Variants in LMF1 observed in about 807,000 individuals in gnomAD.
The protein encoded by LMF1 is transmembrane protein 112.
LMF1 carries 68 observed loss-of-function variants against 60.6 expected under a neutral mutation model. The observed-to-expected ratio is 1.12, with a 90% confidence interval of 0.92 to 1.37. The LOEUF is 1.37. LMF1 is among the 40% of genes most tolerant of loss of function. The probability of loss-of-function intolerance (pLI) is 0.00; values close to 1 mark genes in which losing one functional copy is unlikely to be tolerated. For synonymous variants in LMF1, 418 were observed against 324.7 expected, an observed-to-expected ratio of 1.29 and a Z score of -3.09; for missense variants, 948 against 767.2, an observed-to-expected ratio of 1.24 and a Z score of -2.78.
chr16:880,521 T>C (rs1331407679), intron 5 of LMF1, among the ~76,000 whole-genome samples: 2 of 152,174 alleles, frequency 1.3e-5, no homozygotes, highest in Non-Finnish European at 2.9e-5. Context: ...AAATAAAAAA[T>C]TAGCTGGGCA....
rs1043810312 is a variant in LMF1 at position 874,278 on chromosome 16, G to A, written c.898-2937C>T. On this transcript the variant is annotated intron_variant, in intron 6 of 10. Coordinates refer to ENST00000262301, the MANE Select transcript of LMF1 (RefSeq NM_022773.4). The surrounding 1 kb of genome is among the most constrained non-coding windows in gnomAD (Gnocchi z 4.1). Reference sequence around the variant, plus strand: ...ACAGCCGGCCTGTGTGTGCGGGGCTGGCAGGGCCTCCGGGCCTCTGTCTTG... The same window carrying A: ...ACAGCCGGCCTGTGTGTGCGGGGCTAGCAGGGCCTCCGGGCCTCTGTCTTG... Among the ~76,000 whole-genome samples, 10 of 152,292 alleles carry A rather than the reference G, an allele frequency of 6.6e-5. No homozygotes were observed. In the East Asian group the frequency reaches 9.7e-4, roughly 15 times the overall value.
chr16:865,847 G>A (rs1025964440), intron 10 of LMF1, among the ~76,000 whole-genome samples: 1 of 152,118 alleles, frequency 6.6e-6, no homozygotes, highest in African/African-American at 2.4e-5. Context: ...CCCCGTCTAT[G>A]TCCTCTCACT....
At chr16:891,068 C>T (rs1181187984) in intron 5 of LMF1, among the ~76,000 whole-genome samples, 1 of 152,214 alleles carries the variant, frequency 6.6e-6, no homozygotes, top group African/African-American at 2.4e-5. Flanking sequence ...CTTTAAGGCA[C>T]AGGAAGAACT....
intron 3 of LMF1, among the ~76,000 whole-genome samples, chr16:922,568 G>C (rs1391834238): frequency 1.3e-5 from 2 of 150,140 alleles, no homozygotes; most frequent in Admixed American, 1.3e-4. Context: ...GTGTTGTTGC[G>C]AAGGCCCTGT....
chr16:871,471 G>T (rs1163899348), intron 6 of LMF1, 130 bp from the exon 7 acceptor site: 10 of 941,676 alleles, frequency 1.1e-5, no homozygotes, highest in Admixed American at 2.6e-5. Flanking sequence ...TGTCCCTCGG[G>T]CCCAGCATCA....
Position 874,781 on chromosome 16 carries a change from G to C in LMF1, c.898-3440C>G, listed in dbSNP as rs146669553. On this transcript the variant is annotated intron_variant, in intron 6 of 10. Transcript: ENST00000262301. This position sits in a 1 kb window ranked among gnomAD's most constrained non-coding sequence, Gnocchi z 4.1. ...GAACCAGGACAGGCTCCAGGCAGGC[G>C]GCGCTCAGAAGTCTCAGGGCACTCG... Among the ~76,000 whole-genome samples, 1 of 152,120 alleles carries C rather than the reference G, an allele frequency of 6.6e-6. No homozygotes were observed. Among genetic ancestry groups the C allele is most frequent in the Non-Finnish European group, 1.5e-5 (1 of 67,998 alleles).
chr16:971,057 C>G, upstream of LMF1: 77 of 1,325,934 alleles, frequency 5.8e-5, no homozygotes, highest in Non-Finnish European at 7.4e-5. Flanking sequence ...CCGCCTCTCC[C>G]TGGCCGGCCC....
At chr16:879,443 A>G in intron 6 of LMF1, 127 bp downstream of exon 6, 1 of 1,130,840 alleles carries the variant, frequency 8.8e-7, no homozygotes, top group East Asian at 2.6e-5. Flanking sequence ...GCTGGGGAGG[A>G]CAGGCTGTCC....
rs771818138 is a variant in LMF1 at position 879,778 on chromosome 16, C to CG, written c.730-42dup. 2.0e-5 allele frequency: 31 copies of CG among 1,539,230 alleles called. No individual in the cohort carries two copies. In the East Asian group the frequency reaches 4.9e-4, roughly 24 times the overall value. ...GGGCCGTGAGGTGCCTGGCCGATCT[C>CG]GGGGGGCGGGGCTAGGGAGAGGCTT... On this transcript the variant is annotated intron_variant, in intron 5 of 10. Coordinates refer to ENST00000262301, the MANE Select transcript of LMF1 (RefSeq NM_022773.4).
rs116649331 is a variant in LMF1 at position 857,018 on chromosome 16, T to C, written c.1530-2312A>G. Among the ~76,000 whole-genome samples, 1,110 of 152,308 alleles carry C rather than the reference T, an allele frequency of 7.3e-3. 7 individuals carry two copies. The highest frequency in any genetic ancestry group is 0.025 in the African/African-American group (1,054 of 41,558). ...AAGAACGTATGATTTCAAGAATGAGTGGAACCCTGCGGCACGTACCCGCGG... is the reference window on the plus strand; with the variant it reads ...AAGAACGTATGATTTCAAGAATGAGCGGAACCCTGCGGCACGTACCCGCGG... On this transcript the variant is annotated intron_variant, in intron 10 of 10. Transcript: ENST00000262301.
At chr16:876,805 A>ATTGAT (rs2069998471) in intron 6 of LMF1, among the ~76,000 whole-genome samples, 1 of 152,070 alleles carries the variant, frequency 6.6e-6, no homozygotes, top group Non-Finnish European at 1.5e-5. Flanking sequence ...AACATGGCTG[A>ATTGAT]TTGATTGATA....
chr16:929,061 C>T (rs1724149236), intron 3 of LMF1, among the ~76,000 whole-genome samples: 1 of 152,134 alleles, frequency 6.6e-6, no homozygotes, highest in South Asian at 2.1e-4. Context: ...CAGAACCCCT[C>T]ACCACGAGTG....
At chr16:980,474 G>A (rs1198018800) in intron 1 of LMF1, 1 of 152,246 alleles carries the variant, frequency 6.6e-6, no homozygotes, top group Admixed American at 6.5e-5. Context: ...ACCGGGCCGG[G>A]GAGACCGCGT....
At chr16:969,138 C>T (rs2072987017) in intron 1 of LMF1, 1 of 152,078 alleles carries the variant, frequency 6.6e-6, no homozygotes, top group South Asian at 2.1e-4. Context: ...TGGTGAAACC[C>T]TGTCTCTACT....
At chr16:948,579 CAG>C (rs1351389735) in intron 2 of LMF1, among the ~76,000 whole-genome samples, 2 of 132,140 alleles carry the variant, frequency 1.5e-5, no homozygotes, top group African/African-American at 2.6e-5. Flanking sequence ...GAGACAACGA[CAG>C]AGTCAGCCAA....
chr16:858,925 CACGGGACGGG>C (rs1807487536), intron 10 of LMF1, among the ~76,000 whole-genome samples: 1 of 89,394 alleles, frequency 1.1e-5, no homozygotes, highest in African/African-American at 5.9e-5. Flanking sequence ...GCAGTGGTGT[CACGGGACGGG>C]TGTGCAGTGG....
intron 1 of LMF1, chr16:976,588 C>T (rs549722569): frequency 5.3e-5 from 24 of 454,108 alleles, no homozygotes; most frequent in South Asian, 1.9e-4. Context: ...TGCAGAAGGA[C>T]CCTCTGCCCA....
chr16:981,320 G>GAA, upstream of LMF1: 1 of 303,332 alleles, frequency 3.3e-6, no homozygotes, highest in South Asian at 2.4e-5. Flanking sequence ...GAGAGAGAGA[G>GAA]AGAGAGAGAG....
chr16:885,644 A>C (rs1036136106), intron 5 of LMF1, among the ~76,000 whole-genome samples: 1 of 152,264 alleles, frequency 6.6e-6, no homozygotes, highest in Non-Finnish European at 1.5e-5. Flanking sequence ...AGCAGTCAGG[A>C]GGCCATTTCA....
Sources: allele counts gnomAD v4.1 joint callset (sites outside exome capture counted in the v4.1 genomes callset), GRCh38; gene constraint gnomAD v4.1.1; non-coding constraint Gnocchi (gnomAD v3.1); transcripts MANE v1.5; gene names NCBI Gene and HGNC (gene_info 2026-07-23, HGNC 2026-07-21).